The following CD7 variants were observed in gnomAD, a reference collection of about 807,000 sequenced individuals.
CD7 encodes CD7 molecule.
Under a neutral mutation model 17.6 loss-of-function variants are expected in CD7, and 19 were observed. The observed-to-expected ratio is 1.08, with a 90% CI of 0.75 to 1.58. The LOEUF is 1.58. Among genes scored for constraint, CD7 ranks in the 40% most tolerant of loss-of-function variants. The pLI, the probability that CD7 is intolerant of heterozygous loss-of-function variation, is 0.00. For missense variants in CD7, 291 were observed against 327.1 expected (o/e 0.89, Z 0.85); for synonymous variants, 160 against 159.8 (o/e 1.00, Z -0.01).
chr17:82,317,437 A>G lies in CD7; in HGVS notation c.59T>C (p.Leu20Pro). 1 of 1,563,458 alleles carries G rather than the reference A, an allele frequency of 6.4e-7. No homozygotes were observed. Among genetic ancestry groups the G allele is most frequent in the African/African-American group, 1.4e-5 (1 of 73,800 alleles). ...LPLLLALARG[L>P]PGALAAQEVQ... is the part of the protein sequence containing the mutation. Reference sequence around the variant, plus strand: ...ACCTTGGGCAGCCAGGGCCCCAGGCAGGCCGCGAGCCAGCGCCAGAAGCAG... The same window carrying G: ...ACCTTGGGCAGCCAGGGCCCCAGGCGGGCCGCGAGCCAGCGCCAGAAGCAG... The change falls in exon 1 of 4, where the codon CTG becomes CCG. Residue 20 changes from leucine to proline, a missense_variant. Leu to Pro is a moderately conservative substitution (Grantham distance 98). Transcript: ENST00000312648.
Position 82,317,296 on chromosome 17 carries a change from C to A in CD7, c.82+118G>T. 2 of 1,020,164 alleles carry A rather than the reference C, an allele frequency of 2.0e-6. 1 individual carries two copies. Among genetic ancestry groups the A allele is most frequent in the Middle Eastern group, 5.7e-4 (2 of 3,488 alleles). The allele number at this position is 1,020,164 out of a possible 1,614,324, so 63.2% of individuals were successfully genotyped here. On this transcript the variant is annotated intron_variant, in intron 1 of 3. Coordinates refer to ENST00000312648, the MANE Select transcript of CD7 (RefSeq NM_006137.7). ...AAATGAGTCCTCAGACACTGGAGGC[C>A]GCTCAGCACCCCACCCGCTTCCTGG...
In CD7 at chr17:82,316,427, A is replaced by G; in HGVS notation, c.398-18T>C. On this transcript the variant is annotated intron_variant, in intron 2 of 3. Coordinates refer to ENST00000312648, the MANE Select transcript of CD7 (RefSeq NM_006137.7). ...CTGTTCCTCTGAGAAGGAAAAAAGA[A>G]GGAAGGGATTCTCCCGGTGGAGAAC... 1 of 1,542,290 alleles carries G rather than the reference A, an allele frequency of 6.5e-7. No individual in the cohort carries two copies.
Position 82,317,481 on chromosome 17 carries a change from C to G in CD7, c.15G>C (p.Pro5=). The G allele has an allele frequency of 8.9e-6, 14 of 1,568,884 alleles. No homozygotes were observed. Among genetic ancestry groups the G allele is most frequent in the Non-Finnish European group, 1.1e-5 (13 of 1,157,670 alleles). Residue 5 remains proline, a synonymous_variant, in exon 1 of 4, where the codon CCG becomes CCC. Transcript: ENST00000312648. ...GAAGCAGGGGCAGCAGCAGGAGCCT[C>G]GGAGGCCCGGCCATGTTCCCCACAC... MAGP[P]RLLLLPLLLA...
At position 82,315,351 on chromosome 17, in the gene CD7, GT is replaced by G. The variant is rs2051998459; in HGVS notation, c.692del (p.Asn231ThrfsTer?). On this transcript the variant is annotated frameshift_variant, in exon 4 of 4. Coordinates refer to ENST00000312648, the MANE Select transcript of CD7 (RefSeq NM_006137.7). LOFTEE classifies it high-confidence loss of function. ...VYEDMSHSRC[N>X]TLSSPNQYQ The stretch of plus-strand genomic sequence containing the variant: ...GGTACTGGTTGGGGGAGGACAGCGT[GT>G]TGCAGCGGCTGTGCGACATGTCCTC... The G allele has an allele frequency of 6.2e-7, 1 of 1,613,476 alleles. No individual in the cohort carries two copies. Among genetic ancestry groups the G allele is most frequent in the African/African-American group, 1.3e-5 (1 of 74,868 alleles).
chr17:82,315,178 G>A lies in CD7; in HGVS notation c.*143C>T, dbSNP rs1454676183. 3 of 631,412 alleles carry A rather than the reference G, an allele frequency of 4.8e-6. No homozygotes were observed. The African/African-American group carries it at 5.4e-5, about 11-fold the overall frequency. 39.1% of individuals were successfully genotyped at this position (631,412 alleles called of 1,614,324 possible). On this transcript the variant is annotated 3_prime_UTR_variant, in exon 4 of 4. Coordinates refer to ENST00000312648, the MANE Select transcript of CD7 (RefSeq NM_006137.7). ...CTGGCCACTGCCTGTGTGTCTGCTT[G>A]GAGCTGGGCACGGCTGGGCCCTTCA...
intron 3 of CD7, 154 bp downstream of exon 3, chr17:82,316,041 C>T: frequency 1.2e-6 from 1 of 850,260 alleles, no homozygotes; most frequent in Non-Finnish European, 1.9e-6. Context: ...CCCCTCCCTC[C>T]CCGCCGAGGC....
chr17:82,317,532 A>G lies in CD7; in HGVS notation c.-37T>C. On this transcript the variant is annotated 5_prime_UTR_variant, in exon 1 of 4. Transcript: ENST00000312648. ...CCAGCTCTCCCAGCCGGGCGAGTGC[A>G]GCTGAGCCTCTCTGGGTCTACAGGA... The G allele has an allele frequency of 1.3e-6, 2 of 1,527,912 alleles. No individual in the cohort carries two copies. Among genetic ancestry groups the G allele is most frequent in the Non-Finnish European group, 1.8e-6 (2 of 1,132,588 alleles). The allele number at this position is 1,527,912 out of a possible 1,614,324, so 94.6% of individuals were successfully genotyped here.
intron 3 of CD7, chr17:82,315,864 C>T (rs1015168264): frequency 1.8e-5 from 11 of 599,016 alleles, no homozygotes; most frequent in African/African-American, 1.5e-4. Context: ...CGTGCACACG[C>T]GGGCCCAGCG....
intron 3 of CD7, chr17:82,315,670 C>G: frequency 1.8e-6 from 1 of 554,762 alleles, no homozygotes; most frequent in Non-Finnish European, 3.2e-6. Flanking sequence ...CCACCAAGCC[C>G]AAGCCAAGCG....
At position 82,316,263 on chromosome 17, in the gene CD7, C is replaced by T. The variant is rs1420201453; in HGVS notation, c.544G>A (p.Ala182Thr). The change falls in exon 3 of 4, where the codon GCC becomes ACC. Residue 182 changes from alanine to threonine, a missense_variant. Physicochemically the swap from Ala to Thr is moderately conservative, Grantham distance 58. Transcript: ENST00000312648. ...DPPAASALPA[A>T]LAVISFLLGL... is the part of the protein sequence containing the mutation. ...AGGAGGAAGGAGATCACCGCCAGGG[C>T]CGCAGGGAGGGCAGAGGCTGCTGGC... 1 of 1,575,790 alleles carries T rather than the reference C, an allele frequency of 6.3e-7. No individual in the cohort carries two copies. The highest frequency in any genetic ancestry group is 1.3e-5 in the African/African-American group (1 of 74,376).
chr17:82,316,263 CCGCAGGGA>C lies in CD7; in HGVS notation c.536_543del (p.Leu179ArgfsTer33). 1.9e-6 allele frequency: 3 copies of C among 1,575,790 alleles called. No homozygotes were observed. Among genetic ancestry groups the C allele is most frequent in the Non-Finnish European group, 2.6e-6 (3 of 1,160,134 alleles). On this transcript the variant is annotated frameshift_variant, in exon 3 of 4. Coordinates refer to ENST00000312648, the MANE Select transcript of CD7 (RefSeq NM_006137.7). LOFTEE classifies it high-confidence loss of function. ...AGGAGGAAGGAGATCACCGCCAGGG[CCGCAGGGA>C]GGGCAGAGGCTGCTGGCGGGTCAGG... is the stretch of plus-strand genomic sequence containing the variant.
Position 82,315,256 on chromosome 17 carries a change from G to A in CD7, c.*65C>T. 1 of 992,312 alleles carries A rather than the reference G, an allele frequency of 1.0e-6. No individual in the cohort carries two copies. Among genetic ancestry groups the A allele is most frequent in the Non-Finnish European group, 1.6e-6 (1 of 643,494 alleles). 61.5% of individuals were successfully genotyped at this position (992,312 alleles called of 1,614,324 possible). On this transcript the variant is annotated 3_prime_UTR_variant, in exon 4 of 4. Transcript: ENST00000312648. Reference sequence around the variant, plus strand: ...CAGGGTGAGGGGTGTGGCAGGGTGGGGGGCATGGTGGGGCAGGGAAGGTGC... The same window carrying A: ...CAGGGTGAGGGGTGTGGCAGGGTGGAGGGCATGGTGGGGCAGGGAAGGTGC...
chr17:82,317,540 C>T lies in CD7; in HGVS notation c.-45G>A. The T allele has an allele frequency of 6.6e-7, 1 of 1,510,278 alleles. No individual in the cohort carries two copies. Among genetic ancestry groups the T allele is most frequent in the Non-Finnish European group, 8.9e-7 (1 of 1,120,210 alleles). The allele number at this position is 1,510,278 out of a possible 1,614,324, so 93.6% of individuals were successfully genotyped here. A position where few individuals can be genotyped will look rare whatever the true frequency, so the allele number is the denominator to read the frequency against. On this transcript the variant is annotated 5_prime_UTR_variant, in exon 1 of 4. Coordinates refer to ENST00000312648, the MANE Select transcript of CD7 (RefSeq NM_006137.7). ...CCCAGCCGGGCGAGTGCAGCTGAGC[C>T]TCTCTGGGTCTACAGGACCCCACAG...
Position 82,316,275 on chromosome 17 carries a change from CAGAGGCTGCTGG to C in CD7, c.520_531del (p.Pro174_Ser177del). The C allele has an allele frequency of 2.0e-6, 3 of 1,466,854 alleles. No homozygotes were observed. Among genetic ancestry groups the C allele is most frequent in the Non-Finnish European group, 2.8e-6 (3 of 1,065,700 alleles). The allele number at this position is 1,466,854 out of a possible 1,614,324, so 90.9% of individuals were successfully genotyped here. A position where few individuals can be genotyped will look rare whatever the true frequency, so the allele number is the denominator to read the frequency against. ...ATCACCGCCAGGGCCGCAGGGAGGG[CAGAGGCTGCTGG>C]CGGGTCAGGGAGGGCAGAGGCTGTC... On this transcript the variant is annotated inframe_deletion, in exon 3 of 4. Transcript: ENST00000312648.
At position 82,316,170 on chromosome 17, in the gene CD7, G is replaced by C. The variant is rs562546822; in HGVS notation, c.612+25C>G. On this transcript the variant is annotated intron_variant, in intron 3 of 3. Transcript: ENST00000312648. ...GAGAGGGAACAATCTTTGGGGTGCA[G>C]GTGGCAGCTGGGGCTCACACTGACC... 3.2e-6 allele frequency: 5 copies of C among 1,547,960 alleles called. No individual in the cohort carries two copies. In the African/African-American group the frequency reaches 5.5e-5, roughly 17 times the overall value.
chr17:82,316,124 C>T (rs774391040), intron 3 of CD7, 71 bp downstream of exon 3: 67 of 1,445,278 alleles, frequency 4.6e-5, no homozygotes, highest in Middle Eastern at 1.9e-4. Context: ...GGGGCTTTGG[C>T]GCCCCCCACG....
intron 3 of CD7, 171 bp from the exon 4 acceptor site, chr17:82,315,602 G>A: frequency 1.7e-6 from 1 of 605,554 alleles, no homozygotes; most frequent in East Asian, 2.8e-5. Context: ...CCCAGGCAGG[G>A]CTGGGTCGGA....
At chr17:82,316,535 G>T in intron 2 of CD7, 126 bp from the exon 3 acceptor site, 4 of 1,272,930 alleles carry the variant, frequency 3.1e-6, no homozygotes, top group Non-Finnish European at 4.4e-6. Context: ...GAGGCTGCTG[G>T]GGGCAGTGGG....
rs2051999829 is a variant in CD7, at chr17:82,315,422, GTTTC to G, written c.618_621del (p.Lys206AsnfsTer?). On this transcript the variant is annotated frameshift_variant, in exon 4 of 4. Transcript: ENST00000312648. LOFTEE classifies it low-confidence loss of function (END_TRUNC). ...GAATTCTTATCCCGCCACGAGCACA[GTTTC>G]TTTATCTGAAAGACAGAACCGCCGT... 6.2e-7 allele frequency: 1 copy of G among 1,613,688 alleles called. No individual in the cohort carries two copies. The highest frequency in any genetic ancestry group is 8.5e-7 in the Non-Finnish European group (1 of 1,179,676).
Sources: gnomAD v4.1 joint callset for allele counts on GRCh38, gnomAD v4.1.1 for gene constraint, MANE v1.5 for transcripts, NCBI Gene and HGNC (gene_info 2026-07-23, HGNC 2026-07-21) for gene names.